Variants in SPG7 observed in about 807,000 individuals in gnomAD.
SPG7 encodes the protein SPG7 matrix AAA peptidase subunit, paraplegin.
In SPG7, 103 loss-of-function variants were observed where a neutral mutation model predicts 81.9. The observed-to-expected ratio is 1.26, with a 90% CI of 1.07 to 1.48. SPG7 has a LOEUF of 1.48. Among genes scored for constraint, SPG7 ranks in the 40% most tolerant of loss-of-function variants. The pLI is 0.00. For missense variants in SPG7, 1,241 were observed against 1,087.3 expected, an observed-to-expected ratio of 1.14 and a Z score of -1.99; for synonymous variants, 534 against 444.2, an observed-to-expected ratio of 1.20 and a Z score of -2.54.
At position 89,553,961 on chromosome 16, in the gene SPG7, GTGAGTCGGCTCTGGCCACA is replaced by G. The variant is rs1743896594; in HGVS notation, c.2103+2_2103+20del. On this transcript the variant is annotated splice_donor_variant and splice_donor_5th_base_variant and intron_variant, in intron 15 of 16. Coordinates refer to ENST00000645818, the MANE Select transcript of SPG7 (RefSeq NM_003119.4). LOFTEE classifies it high-confidence loss of function. Reference sequence around the variant, plus strand: ...AGGCCTGCAGCAGATGATGGACCATGTGAGTCGGCTCTGGCCACACCGCTGCCCTCTGTGCTCCCCGGGG... The same window carrying G: ...AGGCCTGCAGCAGATGATGGACCATGCCGCTGCCCTCTGTGCTCCCCGGGG... The G allele has an allele frequency of 6.2e-7, 1 of 1,610,720 alleles. No homozygotes were observed. Among genetic ancestry groups the G allele is most frequent in the Non-Finnish European group, 8.5e-7 (1 of 1,179,960 alleles).
At chr16:89,537,900 C>A in intron 9 of SPG7, 1 of 498,466 alleles carries the variant, frequency 2.0e-6, no homozygotes, top group Non-Finnish European at 2.6e-6. Context: ...GAGCCGTGGA[C>A]TGCCTGCCAG....
intron 9 of SPG7, chr16:89,537,035 C>G: frequency 6.2e-7 from 1 of 1,605,460 alleles, no homozygotes; most frequent in Non-Finnish European, 8.5e-7. Flanking sequence ...TTGCTCAGGC[C>G]TGGGAATCCG....
rs534700795 is a variant in SPG7, at chr16:89,526,294, G to A, written c.619-35G>A. ...TGTAGGGTTGCTCGTCTGTCCCTGCGTTTCTCATGGTCCCCTCTCCTTTCT... is the reference window on the plus strand; with the variant it reads ...TGTAGGGTTGCTCGTCTGTCCCTGCATTTCTCATGGTCCCCTCTCCTTTCT... On this transcript the variant is annotated intron_variant, in intron 4 of 16. Transcript: ENST00000645818. 6.2e-5 allele frequency: 100 copies of A among 1,613,150 alleles called. No homozygotes were observed. The Admixed American group carries it at 6.7e-4, about 11-fold the overall frequency.
rs973170664 is a variant in SPG7, at chr16:89,508,422, C to A, written c.5C>A (p.Ala2Asp). 2.7e-6 allele frequency: 4 copies of A among 1,490,278 alleles called. No individual in the cohort carries two copies. The South Asian group carries it at 5.0e-5, about 19-fold the overall frequency. The allele number at this position is 1,490,278 out of a possible 1,614,324, so 92.3% of individuals were successfully genotyped here. ...AGGCGCGGCTTTCAGGCCAACATGG[C>A]CGTGCTGCTGCTGCTGCTCCGTGCC... Reference protein sequence around the residue: MAVLLLLLRALR... With the variant: MDVLLLLLRALR... Residue 2 changes from alanine to aspartate, a missense_variant, in exon 1 of 17, where the codon GCC (alanine) becomes GAC (aspartate). Ala to Asp is a moderately radical substitution (Grantham distance 126). Transcript: ENST00000645818.
intron 6 of SPG7, chr16:89,530,481 C>T: frequency 1.5e-6 from 1 of 655,438 alleles, no homozygotes; most frequent in Admixed American, 2.4e-5. Flanking sequence ...AGATAAGTTT[C>T]TTACTAATTA....
At chr16:89,508,625 C>G in intron 1 of SPG7, 25 bp downstream of exon 1, 1 of 1,433,962 alleles carries the variant, frequency 7.0e-7, no homozygotes, top group East Asian at 2.7e-5. Context: ...AGTCCGGGCC[C>G]CACCTCCCGC....
rs2058698837 is a variant in SPG7 at position 89,557,431 on chromosome 16, C to T, written c.*338C>T. ...CAGAGGCAGCAGAGCATTCAGACTCCAAACAGACCCCTGTTCATGCCGACG... is the reference window on the plus strand; with the variant it reads ...CAGAGGCAGCAGAGCATTCAGACTCTAAACAGACCCCTGTTCATGCCGACG... On this transcript the variant is annotated 3_prime_UTR_variant, in exon 17 of 17. Transcript: ENST00000645818. 2.8e-6 allele frequency: 1 copy of T among 363,102 alleles called. No homozygotes were observed. The highest frequency in any genetic ancestry group is 5.2e-6 in the Non-Finnish European group (1 of 192,562). 22.5% of individuals were successfully genotyped at this position (363,102 alleles called of 1,614,324 possible). A position where few individuals can be genotyped will look rare whatever the true frequency, so the allele number is the denominator to read the frequency against.
In SPG7 at chr16:89,548,126, C is replaced by T. The variant is rs80324518; in HGVS notation, c.1663+13C>T. On this transcript the variant is annotated intron_variant, in intron 12 of 16. Transcript: ENST00000645818. ...CGCGTCCTCGCAGGTACAGGGGGCG[C>T]GCCCTGGGTGAAGGCCCTCCTTAGC... The T allele has an allele frequency of 0.077, 121,760 of 1,579,268 alleles. 5,583 individuals are homozygous for T. Among genetic ancestry groups the T allele is most frequent in the Non-Finnish European group, 0.094 (109,122 of 1,158,782 alleles).
At chr16:89,528,514 T>C (rs1360810865) in intron 5 of SPG7, 1 of 151,052 alleles carries the variant, frequency 6.6e-6, no homozygotes, top group Non-Finnish European at 1.5e-5. Context: ...TCTCGTGTCT[T>C]TGTAGGCTGA....
rs754344910 is a variant in SPG7 at position 89,546,813 on chromosome 16, G to A, written c.1552+53G>A. On this transcript the variant is annotated intron_variant, in intron 11 of 16. Coordinates refer to ENST00000645818, the MANE Select transcript of SPG7 (RefSeq NM_003119.4). ...GCGTCACGTCCTGAGGGCAGGTGGTGTCACCTGCGCAAACAGCATCGAGGC... is the reference window on the plus strand; with the variant it reads ...GCGTCACGTCCTGAGGGCAGGTGGTATCACCTGCGCAAACAGCATCGAGGC... 416 of 1,219,728 alleles carry A rather than the reference G, an allele frequency of 3.4e-4. 2 individuals are homozygous for A. The highest frequency in any genetic ancestry group is 5.0e-4 in the Non-Finnish European group (406 of 820,000). The allele number at this position is 1,219,728 out of a possible 1,614,324, so 75.6% of individuals were successfully genotyped here.
chr16:89,548,728 C>G (rs945804828), intron 12 of SPG7: 2 of 354,108 alleles, frequency 5.6e-6, no homozygotes, highest in African/African-American at 4.3e-5. Context: ...GGAGAGAGGA[C>G]CAAACTGGGA....
intron 4 of SPG7, among the ~76,000 whole-genome samples, chr16:89,524,866 G>T (rs2058240240): frequency 6.6e-6 from 1 of 152,150 alleles, no homozygotes; most frequent in African/African-American, 2.4e-5. Context: ...CCCACCCCCG[G>T]GTCTGGAAAT....
At chr16:89,536,486 T>TGAGGCGGGCGAGGCGGGCGAGGC (rs1567918805) in intron 9 of SPG7, among the ~76,000 whole-genome samples, 28 of 46,082 alleles carry the variant, frequency 6.1e-4, no homozygotes, top group Non-Finnish European at 8.3e-4. Flanking sequence ...GCGGGTGAGG[T>TGAGGCGGGCGAGGCGGGCGAGGC]CAGGTGAGGC....
intron 12 of SPG7, chr16:89,549,985 A>G (rs2058614405): frequency 4.6e-6 from 1 of 216,238 alleles, no homozygotes; most frequent in Non-Finnish European, 9.5e-6. Flanking sequence ...ACATTTATAA[A>G]AGAAGAAATC....
chr16:89,523,376 A>G (rs957326478), intron 3 of SPG7: 2 of 300,900 alleles, frequency 6.6e-6, no homozygotes, highest in East Asian at 1.8e-4. Flanking sequence ...AGAAGGCACA[A>G]GGGTCTTCAG....
chr16:89,553,104 G>T lies in SPG7; in HGVS notation c.1905G>T (p.Ser635=), dbSNP rs764051551. The T allele has an allele frequency of 6.8e-6, 11 of 1,611,980 alleles. No individual in the cohort carries two copies. Among genetic ancestry groups the T allele is most frequent in the Non-Finnish European group, 9.3e-6 (11 of 1,179,210 alleles). Residue 635 remains serine, a synonymous_variant, in exon 14 of 17, where the codon TCG becomes TCT. Coordinates refer to ENST00000645818, the MANE Select transcript of SPG7 (RefSeq NM_003119.4). ...GCATGGCCCTGGGAGGACGGGCCTC[G>T]GAAGCACTGTCCTTCAACGAGGTCA... is the stretch of plus-strand genomic sequence containing the variant. ...RMCMALGGRA[S]EALSFNEVTS... is the part of the protein sequence containing the mutation.
chr16:89,556,067 A>G (rs2058685379), intron 16 of SPG7: 1 of 398,830 alleles, frequency 2.5e-6, no homozygotes, highest in East Asian at 3.6e-5. Flanking sequence ...TGGGAGCCAC[A>G]ACGGGAGCAA....
In SPG7 at chr16:89,532,033, A is replaced by G. The variant is rs1400822677; in HGVS notation, c.1117A>G (p.Met373Val). 1 of 1,613,304 alleles carries G rather than the reference A, an allele frequency of 6.2e-7. No individual in the cohort carries two copies. The highest frequency in any genetic ancestry group is 2.2e-5 in the East Asian group (1 of 44,878). ...GGAGGCTCAGGTGCCCTTCCTGGCGATGGCCGGCCCAGAGTTCGTGGAGGT... is the reference window on the plus strand; with the variant it reads ...GGAGGCTCAGGTGCCCTTCCTGGCGGTGGCCGGCCCAGAGTTCGTGGAGGT... ...ATEAQVPFLA[M>V]AGPEFVEVIG... is the part of the protein sequence containing the mutation. Residue 373 changes from methionine (M) to valine (V), a missense_variant, in exon 8 of 17, where the codon ATG (methionine) becomes GTG (valine). Met to Val is a conservative substitution (Grantham distance 21). Coordinates refer to ENST00000645818, the MANE Select transcript of SPG7 (RefSeq NM_003119.4).
intron 13 of SPG7, among the ~76,000 whole-genome samples, chr16:89,550,892 C>T (rs1220705384): frequency 1.3e-5 from 2 of 152,284 alleles, no homozygotes; most frequent in East Asian, 1.9e-4. Flanking sequence ...GAAGGTTACA[C>T]CATGCAATGG....
Sources: allele counts gnomAD v4.1 joint callset (sites outside exome capture counted in the v4.1 genomes callset), GRCh38; gene constraint gnomAD v4.1.1; transcripts MANE v1.5; gene names NCBI Gene and HGNC (gene_info 2026-07-23, HGNC 2026-07-21).